Variants in AKAP6 observed in about 807,000 individuals in gnomAD.
The protein encoded by AKAP6 is A-kinase anchoring protein 6.
A neutral mutation model predicts 188.5 loss-of-function variants in AKAP6; 58 were observed. The observed-to-expected ratio is 0.31, with a 90% confidence interval of 0.25 to 0.38. The LOEUF (loss-of-function observed/expected upper bound fraction) is 0.38. AKAP6 is among the 10% of genes least tolerant of loss of function. The pLI is 1.00. For missense variants in AKAP6, 2,710 were observed against 2,740.0 expected (o/e 0.99, Z 0.24); for synonymous variants, 989 against 998.6 (o/e 0.99, Z 0.18).
intron 9 of AKAP6, among the ~76,000 whole-genome samples, chr14:32,705,969 A>G (rs983331548): frequency 6.6e-6 from 1 of 152,166 alleles, no homozygotes; most frequent in Non-Finnish European, 1.5e-5. Context: ...TTTTTTGGCC[A>G]GAACTAATTG....
intron 1 of AKAP6, among the ~76,000 whole-genome samples, chr14:32,413,855 T>G (rs1405093571): frequency 6.6e-6 from 1 of 151,634 alleles, no homozygotes; most frequent in African/African-American, 2.4e-5. Flanking sequence ...ATTGTCAGGC[T>G]TCTGTACAGG....
chr14:32,791,858 C>T (rs1022974683), intron 12 of AKAP6, among the ~76,000 whole-genome samples: 3 of 152,134 alleles, frequency 2.0e-5, no homozygotes, highest in South Asian at 2.1e-4. Flanking sequence ...GTTTTCCCAG[C>T]ACCATTTATT....
intron 9 of AKAP6, among the ~76,000 whole-genome samples, chr14:32,730,280 A>G (rs1296705230): frequency 6.6e-6 from 1 of 152,178 alleles, no homozygotes; most frequent in Non-Finnish European, 1.5e-5. Context: ...CATCAATCAC[A>G]TCTTAAATCA....
chr14:32,497,050 G>A (rs770855826), intron 2 of AKAP6, among the ~76,000 whole-genome samples: 17 of 152,098 alleles, frequency 1.1e-4, no homozygotes, highest in Non-Finnish European at 2.4e-4. Context: ...GAGACCGTGG[G>A]CATACATCCT....
chr14:32,682,648 C>G (rs184678553), intron 8 of AKAP6, among the ~76,000 whole-genome samples: 1 of 152,232 alleles, frequency 6.6e-6, no homozygotes, highest in Non-Finnish European at 1.5e-5. Context: ...AGAAGTTAAT[C>G]ATTGAATTCA....
Position 32,829,997 on chromosome 14 carries a change from AT to A in AKAP6, c.*193del. ...GTGTTTTCTCCACACAAGCCTTGTG[AT>A]CTGAATGTGTGCGCTGGTTCTCTTT... On this transcript the variant is annotated 3_prime_UTR_variant, in exon 14 of 14. Transcript: ENST00000280979. The A allele has an allele frequency of 2.8e-6, 2 of 702,344 alleles. No individual in the cohort carries two copies. The highest frequency in any genetic ancestry group is 5.2e-6 in the Non-Finnish European group (2 of 384,614). 43.5% of individuals were successfully genotyped at this position (702,344 alleles called of 1,614,324 possible).
At chr14:32,387,228 C>T (rs1038846384) in intron 1 of AKAP6, among the ~76,000 whole-genome samples, 36 of 152,030 alleles carry the variant, frequency 2.4e-4, no homozygotes, top group Non-Finnish European at 4.7e-4. Context: ...ATGATCATAT[C>T]ATCAGCAAAC....
intron 11 of AKAP6, among the ~76,000 whole-genome samples, chr14:32,772,377 A>G (rs1465196593): frequency 6.6e-6 from 1 of 152,226 alleles, no homozygotes; most frequent in Non-Finnish European, 1.5e-5. Context: ...CTGCGCTGGT[A>G]TAAATTGAAT....
At chr14:32,623,391 A>G (rs1886890727) in intron 7 of AKAP6, among the ~76,000 whole-genome samples, 1 of 152,122 alleles carries the variant, frequency 6.6e-6, no homozygotes, top group Non-Finnish European at 1.5e-5. Flanking sequence ...AATATTTGAA[A>G]CATGACAATT....
At chr14:32,635,992 T>A (rs188713739) in intron 7 of AKAP6, among the ~76,000 whole-genome samples, 126 of 152,206 alleles carry the variant, frequency 8.3e-4, no homozygotes, top group Admixed American at 6.2e-3. Flanking sequence ...GCTTACTGAT[T>A]TACATGCAAA....
At position 32,666,915 on chromosome 14, in the gene AKAP6, A is replaced by G. The variant is rs544277960; in HGVS notation, c.2731-11396A>G. ...ATGTAACTAGCCTTACACAGGAATC[A>G]TATTTTAATTGCTAAGCTTTTTTAA... On this transcript the variant is annotated intron_variant, in intron 7 of 13. Transcript: ENST00000280979. 6.6e-5 allele frequency among the ~76,000 whole-genome samples: 10 copies of G among 152,214 alleles called. No homozygotes were observed. In the South Asian group the frequency reaches 1.9e-3, roughly 28 times the overall value.
In AKAP6 at chr14:32,437,423, C is replaced by T. The variant is rs543380145; in HGVS notation, c.324+3606C>T. Among the ~76,000 whole-genome samples the T allele has an allele frequency of 1.8e-4, 27 of 152,268 alleles. No individual in the cohort carries two copies. The East Asian group carries it at 3.9e-3, about 22-fold the overall frequency. ...ATCATGCTCTTCTCTACCATCATGT[C>T]AATACATAACTTTTTAAAAAACGTA... On this transcript the variant is annotated intron_variant, in intron 2 of 13. Transcript: ENST00000280979.
At chr14:32,490,258 A>G (rs8004271) in intron 2 of AKAP6, among the ~76,000 whole-genome samples, 101,686 of 151,468 alleles carry the variant, frequency 0.67, 35,621 homozygotes, top group East Asian at 0.89. Context: ...CAGGTCACAG[A>G]GGATATGATG....
At chr14:32,608,229 G>A (rs954808968) in intron 7 of AKAP6, among the ~76,000 whole-genome samples, 5 of 152,082 alleles carry the variant, frequency 3.3e-5, no homozygotes, top group Admixed American at 1.3e-4. Flanking sequence ...ATAGCAGACC[G>A]AGCACAGTGG....
intron 8 of AKAP6, among the ~76,000 whole-genome samples, chr14:32,690,582 G>A (rs1000903454): frequency 6.6e-6 from 1 of 152,050 alleles, no homozygotes; most frequent in Non-Finnish European, 1.5e-5. Context: ...ATAAGGCAAA[G>A]TAAAATGGTG....
At chr14:32,555,917 T>G (rs1883666449) in intron 4 of AKAP6, among the ~76,000 whole-genome samples, 2 of 152,032 alleles carry the variant, frequency 1.3e-5, no homozygotes, top group Admixed American at 1.3e-4. Context: ...TGTACAATTA[T>G]CTCTTCAAGA....
intron 7 of AKAP6, among the ~76,000 whole-genome samples, chr14:32,619,117 C>T (rs1159289941): frequency 1.3e-5 from 2 of 151,956 alleles, no homozygotes; most frequent in Non-Finnish European, 2.9e-5. Context: ...GCATTTTCTC[C>T]CATTCTGTGG....
intron 12 of AKAP6, among the ~76,000 whole-genome samples, chr14:32,799,483 G>A (rs2140082939): frequency 6.6e-6 from 1 of 152,136 alleles, no homozygotes; most frequent in Middle Eastern, 3.4e-3. Flanking sequence ...TACTTTTGTT[G>A]CATCCCGTCA....
chr14:32,755,684 C>T (rs1003684302), intron 11 of AKAP6, among the ~76,000 whole-genome samples: 15 of 152,242 alleles, frequency 9.9e-5, no homozygotes, highest in African/African-American at 3.4e-4. Context: ...AATACCACCA[C>T]ACCCAGCAAC....
Sources: gnomAD v4.1 joint callset for allele counts (sites outside exome capture counted in the v4.1 genomes callset) on GRCh38, gnomAD v4.1.1 for gene constraint, MANE v1.5 for transcripts, NCBI Gene and HGNC (gene_info 2026-07-23, HGNC 2026-07-21) for gene names.